Variants in GFM1 observed in about 807,000 individuals in gnomAD.
GFM1 encodes the protein elongation factor G, mitochondrial.
In GFM1, 62 loss-of-function variants were observed where a neutral mutation model predicts 96.2. The observed-to-expected ratio is 0.64, with a 90% CI of 0.53 to 0.80. The LOEUF (loss-of-function observed/expected upper bound fraction) is 0.80, where lower values mean the gene tolerates loss of function less well. Ranked by LOEUF, GFM1 falls within the 30% of genes least tolerant of loss-of-function variation. The probability of loss-of-function intolerance (pLI) is 0.00; values close to 1 mark genes in which losing one functional copy is unlikely to be tolerated. For missense variants in GFM1, 852 were observed against 916.6 expected, an observed-to-expected ratio of 0.93 and a Z score of 0.91; for synonymous variants, 282 against 312.9, an observed-to-expected ratio of 0.90 and a Z score of 1.04.
Position 158,659,877 on chromosome 3 carries a change from G to T in GFM1, c.1221+818G>T, listed in dbSNP as rs144830580. Among the ~76,000 whole-genome samples, 858 of 152,282 alleles carry T rather than the reference G, an allele frequency of 5.6e-3. 14 individuals carry two copies. Among genetic ancestry groups the T allele is most frequent in the African/African-American group, 0.02 (830 of 41,550 alleles). On this transcript the variant is annotated intron_variant, in intron 9 of 17. Transcript: ENST00000486715. ...GCTGTTTTGTGAGATAGGCAGCAGG[G>T]GGCAGGCTAAGTGATTGTCATAGCT...
intron 4 of GFM1, among the ~76,000 whole-genome samples, chr3:158,647,252 T>C (rs1721895081): frequency 6.6e-6 from 1 of 152,240 alleles, no homozygotes; most frequent in Non-Finnish European, 1.5e-5. Flanking sequence ...ATAATCTAGA[T>C]TCTAAAAATA....
At chr3:158,676,394 C>G (rs1480403507) in intron 13 of GFM1, among the ~76,000 whole-genome samples, 1 of 151,978 alleles carries the variant, frequency 6.6e-6, no homozygotes, top group Non-Finnish European at 1.5e-5. Context: ...GGTATAATAA[C>G]TACAGAAAAA....
intron 8 of GFM1, chr3:158,655,752 A>G (rs941662702): frequency 1.1e-4 from 49 of 437,604 alleles, no homozygotes; most frequent in African/African-American, 9.5e-4. Context: ...TAATGGGCCA[A>G]TACTGATATA....
intron 13 of GFM1, among the ~76,000 whole-genome samples, chr3:158,675,682 T>C (rs1180600769): frequency 1.3e-5 from 2 of 152,176 alleles, no homozygotes; most frequent in Admixed American, 1.3e-4. Flanking sequence ...GTTTTAATCT[T>C]ATAAAATTAT....
intron 13 of GFM1, among the ~76,000 whole-genome samples, chr3:158,679,300 G>C (rs1725168932): frequency 6.6e-6 from 1 of 152,160 alleles, no homozygotes; most frequent in African/African-American, 2.4e-5. Context: ...AAAACAATTT[G>C]TGTGACTTGC....
chr3:158,667,128 TTAC>T (rs1403611535), intron 13 of GFM1: 1 of 1,476,292 alleles, frequency 6.8e-7, no homozygotes, highest in African/African-American at 1.4e-5. Context: ...TTGGCAAAAA[TTAC>T]ATTTAATTTT....
intron 15 of GFM1, among the ~76,000 whole-genome samples, chr3:158,689,747 C>CA (rs202180927): frequency 0.064 from 5,918 of 92,238 alleles, 342 homozygotes; most frequent in African/African-American, 0.2. Context: ...GCTTGGGTGA[C>CA]AAAAAAAAAA....
intron 12 of GFM1, 64 bp downstream of exon 12, chr3:158,665,538 A>G (rs1723591722): frequency 4.3e-6 from 6 of 1,398,456 alleles, no homozygotes; most frequent in African/African-American, 4.3e-5. Context: ...TTAAAAGTCA[A>G]TAATTCTCAA....
Position 158,647,333 on chromosome 3 carries a change from C to G in GFM1, c.572+386C>G, listed in dbSNP as rs534688768. On this transcript the variant is annotated intron_variant, in intron 4 of 17. Coordinates refer to ENST00000486715, the MANE Select transcript of GFM1 (RefSeq NM_024996.7). ...TCCTTGAAGCATTTTAATTAATGCCCTTAAGTAGTTTGCCATAGAGATGAG... is the reference window on the plus strand; with the variant it reads ...TCCTTGAAGCATTTTAATTAATGCCGTTAAGTAGTTTGCCATAGAGATGAG... Among the ~76,000 whole-genome samples the G allele has an allele frequency of 2.0e-5, 3 of 152,226 alleles. No individual in the cohort carries two copies. In the South Asian group the frequency reaches 6.2e-4, roughly 32 times the overall value.
intron 13 of GFM1, among the ~76,000 whole-genome samples, chr3:158,670,747 A>G (rs1377888738): frequency 1.3e-5 from 2 of 152,184 alleles, no homozygotes; most frequent in African/African-American, 4.8e-5. Context: ...TTGTAATCCT[A>G]GCACTTTGGG....
At chr3:158,684,411 A>G (rs750675910) in intron 14 of GFM1, 113 bp from the exon 15 acceptor site, 6 of 1,040,940 alleles carry the variant, frequency 5.8e-6, no homozygotes, top group Non-Finnish European at 8.9e-6. Context: ...TGAGGGGTGA[A>G]ATACAGCACA....
chr3:158,690,164 C>A lies in GFM1; in HGVS notation c.1911C>A (p.Ala637=). The change falls in exon 16 of 18, where the codon GCC becomes GCA. Residue 637 remains alanine (A), a splice_region_variant and synonymous_variant. Transcript: ENST00000486715. ...IRAGEGALKQ[A]LANATLCILE... is the part of the protein sequence containing the mutation. The stretch of plus-strand genomic sequence containing the variant: ...AACTTTTTTTTTTTTTTAACCCAGC[C>A]TTGGCAAATGCAACATTATGTATTC... 6.2e-7 allele frequency: 1 copy of A among 1,610,626 alleles called. No individual in the cohort carries two copies. The highest frequency in any genetic ancestry group is 8.5e-7 in the Non-Finnish European group (1 of 1,178,578).
chr3:158,668,312 T>C (rs1250903419), intron 13 of GFM1, among the ~76,000 whole-genome samples: 5 of 152,198 alleles, frequency 3.3e-5, no homozygotes, highest in African/African-American at 1.2e-4. Flanking sequence ...TAAATAGTTG[T>C]TATATTACTT....
In GFM1 at chr3:158,644,679, A is replaced by G; in HGVS notation, c.45A>G (p.Gly15=). Residue 15 remains glycine, a synonymous_variant, in exon 1 of 18, where the codon GGA becomes GGG. Transcript: ENST00000486715. ...GAAAVAALGR[G]RAPASLGWQR... The stretch of plus-strand genomic sequence containing the variant: ...CAGCCGTCGCGGCTCTGGGGCGCGG[A>G]AGGGCCCCCGCCTCCCTAGGCTGGC... The G allele has an allele frequency of 6.3e-7, 1 of 1,580,166 alleles. No homozygotes were observed. The highest frequency in any genetic ancestry group is 8.6e-7 in the Non-Finnish European group (1 of 1,163,940).
In GFM1 at chr3:158,691,941, A is replaced by T. The variant is rs1726357479; in HGVS notation, c.*474A>T. 5.8e-6 allele frequency: 1 copy of T among 173,060 alleles called. No individual in the cohort carries two copies. The highest frequency in any genetic ancestry group is 1.2e-5 in the Non-Finnish European group (1 of 81,182). 10.7% of individuals were successfully genotyped at this position (173,060 alleles called of 1,614,324 possible). A position where few individuals can be genotyped will look rare whatever the true frequency, so the allele number is the denominator to read the frequency against. On this transcript the variant is annotated 3_prime_UTR_variant, in exon 18 of 18. Transcript: ENST00000486715. ...AATTTGTTTTGTCATATTTGCTTTC[A>T]CTGTCTATTATCTGTTTAAGTCTCA...
At chr3:158,682,253 CAGTT>C (rs1456807911) in intron 14 of GFM1, 96 bp downstream of exon 14, 15 of 1,082,730 alleles carry the variant, frequency 1.4e-5, no homozygotes, top group Non-Finnish European at 2.1e-5. Context: ...TTGTCTATCA[CAGTT>C]TGTTTTAGTT....
At chr3:158,670,205 C>G (rs1292876808) in intron 13 of GFM1, among the ~76,000 whole-genome samples, 1 of 152,126 alleles carries the variant, frequency 6.6e-6, no homozygotes, top group Non-Finnish European at 1.5e-5. Flanking sequence ...TTAAGTTTGT[C>G]TCATTAATAA....
chr3:158,658,450 C>A (rs562757619), intron 8 of GFM1, among the ~76,000 whole-genome samples: 1 of 152,196 alleles, frequency 6.6e-6, no homozygotes, highest in Non-Finnish European at 1.5e-5. Flanking sequence ...CAGGCCTGAG[C>A]GACCAGCCCA....
chr3:158,649,377 A>G (rs1244593578), intron 5 of GFM1: 2 of 407,978 alleles, frequency 4.9e-6, no homozygotes, highest in East Asian at 1.1e-4. Context: ...TAATATACCC[A>G]TATCACATTA....
Sources: gnomAD v4.1 joint callset for allele counts (sites outside exome capture counted in the v4.1 genomes callset) on GRCh38, gnomAD v4.1.1 for gene constraint, MANE v1.5 for transcripts, NCBI Gene and HGNC (gene_info 2026-07-23, HGNC 2026-07-21) for gene names.